MTHFD2L: variants seen among roughly 807,000 people sequenced by gnomAD.
MTHFD2L encodes the protein bifunctional methylenetetrahydrofolate dehydrogenase/cyclohydrolase 2, mitochondrial.
MTHFD2L carries 29 observed loss-of-function variants against 34.9 expected under a neutral mutation model. That is an observed-to-expected ratio of 0.83 (90% CI 0.62 to 1.13). The LOEUF (loss-of-function observed/expected upper bound fraction) is 1.13. Among genes scored for constraint, MTHFD2L ranks in the 50% most tolerant of loss-of-function variants. The pLI, the probability that MTHFD2L is intolerant of heterozygous loss-of-function variation, is 0.00. For synonymous variants in MTHFD2L, 167 were observed against 155.7 expected (o/e 1.07, Z -0.54); for missense variants, 481 against 446.5 (o/e 1.08, Z -0.70).
chr4:74,290,691 T>C (rs1288308885), intron 7 of MTHFD2L, among the ~76,000 whole-genome samples: 2 of 151,978 alleles, frequency 1.3e-5, no homozygotes, highest in South Asian at 4.1e-4. Context: ...TCACGTTTTC[T>C]CTCCATTCCC....
chr4:74,236,199 G>A (rs1457498538), intron 6 of MTHFD2L, among the ~76,000 whole-genome samples: 1 of 152,098 alleles, frequency 6.6e-6, no homozygotes, highest in Non-Finnish European at 1.5e-5. Context: ...ATTGCTCACA[G>A]CCTATTATAT....
At chr4:74,280,840 TAAAA>T (rs150823807) in intron 6 of MTHFD2L, among the ~76,000 whole-genome samples, 2,686 of 151,818 alleles carry the variant, frequency 0.018, 200 homozygotes, top group Admixed American at 0.12. Context: ...CAAGAAAAAA[TAAAA>T]AGAAAGCTCA....
chr4:74,146,144 C>T (rs1322379784), intron 1 of MTHFD2L, among the ~76,000 whole-genome samples: 1 of 152,122 alleles, frequency 6.6e-6, no homozygotes, highest in East Asian at 1.9e-4. Flanking sequence ...ATTACGATTT[C>T]TGCAAATACT....
intron 7 of MTHFD2L, among the ~76,000 whole-genome samples, chr4:74,300,432 T>A (rs1560572978): frequency 6.6e-6 from 1 of 152,008 alleles, no homozygotes; most frequent in Non-Finnish European, 1.5e-5. Context: ...AAAATAATAC[T>A]AAAGATATAG....
chr4:74,115,635 T>G (rs1162357917), intron 2 of MTHFD2L, among the ~76,000 whole-genome samples: 2 of 152,276 alleles, frequency 1.3e-5, no homozygotes, highest in East Asian at 3.8e-4. Flanking sequence ...AGTGCTTTGC[T>G]TTCCTTTCAG....
intron 6 of MTHFD2L, among the ~76,000 whole-genome samples, chr4:74,247,463 C>T (rs1015033199): frequency 1.3e-5 from 2 of 151,924 alleles, no homozygotes; most frequent in African/African-American, 4.8e-5. Context: ...TAATTGAATG[C>T]CCTTTATTTC....
intron 6 of MTHFD2L, among the ~76,000 whole-genome samples, chr4:74,253,162 A>T (rs1743548109): frequency 6.6e-6 from 1 of 152,186 alleles, no homozygotes; most frequent in South Asian, 2.1e-4. Flanking sequence ...CTATATAAGG[A>T]ACCAGAAATC....
intron 6 of MTHFD2L, among the ~76,000 whole-genome samples, chr4:74,260,419 T>A (rs1218618067): frequency 6.6e-6 from 1 of 152,142 alleles, no homozygotes; most frequent in Non-Finnish European, 1.5e-5. Context: ...TTCCTGTCTG[T>A]CTAGTCAGCC....
At chr4:74,213,915 C>G (rs1442897807) in intron 5 of MTHFD2L, among the ~76,000 whole-genome samples, 1 of 149,130 alleles carries the variant, frequency 6.7e-6, no homozygotes, top group African/African-American at 2.6e-5. Flanking sequence ...CCTTTTCATT[C>G]TTTTTTCTCT....
At chr4:74,242,374 GT>G (rs1741849942) in intron 6 of MTHFD2L, among the ~76,000 whole-genome samples, 2 of 152,068 alleles carry the variant, frequency 1.3e-5, no homozygotes, top group African/African-American at 4.8e-5. Flanking sequence ...TCAGTATAGA[GT>G]TTTAGTATAG....
intron 6 of MTHFD2L, among the ~76,000 whole-genome samples, chr4:74,229,838 C>T (rs906713547): frequency 4.6e-5 from 7 of 152,110 alleles, no homozygotes; most frequent in African/African-American, 1.7e-4. Context: ...TCTCTGAGTT[C>T]ACAGAGAGAG....
chr4:74,278,955 A>T (rs1263129648), intron 6 of MTHFD2L, among the ~76,000 whole-genome samples: 1 of 152,120 alleles, frequency 6.6e-6, no homozygotes, highest in Non-Finnish European at 1.5e-5. Context: ...CAGTTTTCTA[A>T]TATGTTATTT....
intron 7 of MTHFD2L, among the ~76,000 whole-genome samples, chr4:74,295,385 C>T (rs1749504251): frequency 1.3e-5 from 2 of 152,238 alleles, no homozygotes; most frequent in African/African-American, 4.8e-5. Context: ...TTTTCTGCAG[C>T]TTTACAAATC....
At chr4:74,123,076 A>G (rs1721839667), upstream of MTHFD2L, among the ~76,000 whole-genome samples, 1 of 152,218 alleles carries the variant, frequency 6.6e-6, no homozygotes, top group Admixed American at 6.5e-5. Flanking sequence ...AAACAGTTAT[A>G]TTAAATCAGG....
At chr4:74,193,277 T>C (rs1016536853) in intron 3 of MTHFD2L, among the ~76,000 whole-genome samples, 5 of 152,208 alleles carry the variant, frequency 3.3e-5, no homozygotes, top group African/African-American at 1.2e-4. Flanking sequence ...AGTGTGACTC[T>C]AAAGCTGGGC....
intron 3 of MTHFD2L, chr4:74,195,212 G>A (rs1733262562): frequency 6.6e-6 from 1 of 152,194 alleles, no homozygotes; most frequent in Non-Finnish European, 1.5e-5. Context: ...TAGACACATA[G>A]CTATGGTTTT....
chr4:74,148,891 T>A (rs193213197), intron 1 of MTHFD2L, among the ~76,000 whole-genome samples: 1 of 152,010 alleles, frequency 6.6e-6, no homozygotes, highest in Non-Finnish European at 1.5e-5. Flanking sequence ...GTCTTTTCTG[T>A]ATCCCAAAAG....
chr4:74,163,123 C>T (rs1578298469), intron 1 of MTHFD2L, among the ~76,000 whole-genome samples: 1 of 151,996 alleles, frequency 6.6e-6, no homozygotes. Context: ...ATAATATCAT[C>T]AGTACATGTG....
At chr4:74,288,944 G>A (rs1273591180) in intron 7 of MTHFD2L, among the ~76,000 whole-genome samples, 3 of 151,968 alleles carry the variant, frequency 2.0e-5, no homozygotes, top group African/African-American at 7.3e-5. Context: ...TATCTTCACT[G>A]GCTTATTTTC....
Sources: gnomAD v4.1 joint callset for allele counts (sites outside exome capture counted in the v4.1 genomes callset) on GRCh38, gnomAD v4.1.1 for gene constraint, MANE v1.5 for transcripts, NCBI Gene and HGNC (gene_info 2026-07-23, HGNC 2026-07-21) for gene names.